The following GRID2 variants were observed in gnomAD, a reference collection of about 807,000 sequenced individuals.
GRID2 encodes glutamate receptor ionotropic, delta-2.
Under a neutral mutation model 114.8 loss-of-function variants are expected in GRID2, and 33 were observed. That is an observed-to-expected ratio of 0.29 (90% CI 0.22 to 0.38). The LOEUF is 0.38. GRID2 is among the 10% of genes least tolerant of loss of function. The pLI, the probability that GRID2 is intolerant of heterozygous loss-of-function variation, is 1.00. For missense variants in GRID2, 1,184 were observed against 1,257.7 expected (o/e 0.94, Z 0.89); for synonymous variants, 505 against 449.9 (o/e 1.12, Z -1.55).
intron 9 of GRID2, among the ~76,000 whole-genome samples, chr4:93,401,648 T>C (rs1024010267): frequency 2.0e-5 from 3 of 152,072 alleles, no homozygotes; most frequent in African/African-American, 4.8e-5. Flanking sequence ...AGGACAGTAA[T>C]AGCAATGAGA....
At chr4:93,110,010 A>G (rs1732614807) in intron 3 of GRID2, among the ~76,000 whole-genome samples, 1 of 152,176 alleles carries the variant, frequency 6.6e-6, no homozygotes, top group African/African-American at 2.4e-5. Context: ...TGGAATAAGT[A>G]TGTAAATATT....
chr4:93,207,976 A>G (rs1159047656), intron 5 of GRID2, among the ~76,000 whole-genome samples: 9 of 151,960 alleles, frequency 5.9e-5, no homozygotes, highest in Non-Finnish European at 1.5e-5. Flanking sequence ...GATTTTTGCA[A>G]AGATAATACA....
chr4:92,995,609 A>T (rs1222981313), intron 2 of GRID2, among the ~76,000 whole-genome samples: 1 of 152,160 alleles, frequency 6.6e-6, no homozygotes, highest in Non-Finnish European at 1.5e-5. Context: ...TTTATATTGT[A>T]ATAATAACAT....
At chr4:92,691,018 T>C (rs896161344) in intron 2 of GRID2, among the ~76,000 whole-genome samples, 15 of 152,104 alleles carry the variant, frequency 9.9e-5, no homozygotes, top group South Asian at 2.1e-4. Flanking sequence ...TTCCAAATCA[T>C]TGGACTCTAA....
chr4:93,179,926 C>G (rs1390258067), intron 4 of GRID2, among the ~76,000 whole-genome samples: 1 of 152,108 alleles, frequency 6.6e-6, no homozygotes, highest in African/African-American at 2.4e-5. Context: ...ACCCTCTGCT[C>G]TAGTGTATTT....
chr4:93,114,122 A>G (rs1362395046), intron 4 of GRID2, among the ~76,000 whole-genome samples: 3 of 152,128 alleles, frequency 2.0e-5, no homozygotes, highest in Non-Finnish European at 4.4e-5. Context: ...CCAGTGATGA[A>G]GAGGAGATTG....
chr4:92,485,726 A>T (rs1722854757), intron 1 of GRID2, among the ~76,000 whole-genome samples: 1 of 151,856 alleles, frequency 6.6e-6, no homozygotes, highest in Admixed American at 6.6e-5. Flanking sequence ...AGAGAAAAAC[A>T]ATTTGCAAAA....
intron 1 of GRID2, among the ~76,000 whole-genome samples, chr4:92,522,375 A>G (rs1432879506): frequency 2.0e-5 from 3 of 151,974 alleles, no homozygotes; most frequent in Non-Finnish European, 4.4e-5. Context: ...GCAGGGCGTT[A>G]TAAGCCATTG....
At chr4:93,049,510 TC>T (rs200700807) in intron 2 of GRID2, among the ~76,000 whole-genome samples, 2,322 of 149,608 alleles carry the variant, frequency 0.016, 28 homozygotes, top group Non-Finnish European at 0.024. Context: ...TCTGAAATTA[TC>T]CCCCCCCCAA....
intron 2 of GRID2, among the ~76,000 whole-genome samples, chr4:92,642,139 G>C (rs751668190): frequency 6.6e-6 from 1 of 151,550 alleles, no homozygotes; most frequent in Admixed American, 6.6e-5. Flanking sequence ...ATAAGGATCT[G>C]TTTTCCTTTG....
intron 8 of GRID2, among the ~76,000 whole-genome samples, chr4:93,390,825 A>G (rs1408359746): frequency 6.6e-6 from 1 of 152,028 alleles, no homozygotes; most frequent in East Asian, 1.9e-4. Flanking sequence ...ATGTCTATAT[A>G]TAGATATATG....
intron 2 of GRID2, among the ~76,000 whole-genome samples, chr4:92,949,607 C>T (rs1257361743): frequency 6.6e-6 from 1 of 150,814 alleles, no homozygotes; most frequent in Non-Finnish European, 1.5e-5. Context: ...ATTGCTTTAG[C>T]AATGATCTAG....
chr4:92,644,838 C>A (rs1015700187), intron 2 of GRID2, among the ~76,000 whole-genome samples: 2 of 151,360 alleles, frequency 1.3e-5, no homozygotes, highest in African/African-American at 4.8e-5. Context: ...AGTCAAAATA[C>A]TACATCAAAT....
chr4:92,525,438 G>A (rs1724995271), intron 1 of GRID2, among the ~76,000 whole-genome samples: 1 of 152,062 alleles, frequency 6.6e-6, no homozygotes, highest in Admixed American at 6.6e-5. Context: ...TGACCTTGCA[G>A]TAGCAAGACC....
At chr4:92,477,038 C>CGTGT (rs1722344746) in intron 1 of GRID2, among the ~76,000 whole-genome samples, 3 of 104,812 alleles carry the variant, frequency 2.9e-5, no homozygotes, top group Admixed American at 1.1e-4. Context: ...GATTTAACTT[C>CGTGT]ATGTGTGTGT....
chr4:92,944,166 C>A (rs1751413054), intron 2 of GRID2, among the ~76,000 whole-genome samples: 1 of 152,192 alleles, frequency 6.6e-6, no homozygotes, highest in Non-Finnish European at 1.5e-5. Flanking sequence ...TATGGCTATG[C>A]CCTGCCCCCA....
At chr4:92,553,988 C>A (rs1012276068) in intron 1 of GRID2, among the ~76,000 whole-genome samples, 3 of 152,050 alleles carry the variant, frequency 2.0e-5, no homozygotes, top group Non-Finnish European at 2.9e-5. Flanking sequence ...ATCATAGTAT[C>A]AGGATATCTT....
chr4:93,591,848 G>T (rs970915912), intron 13 of GRID2, among the ~76,000 whole-genome samples: 1 of 152,152 alleles, frequency 6.6e-6, no homozygotes, highest in Non-Finnish European at 1.5e-5. Flanking sequence ...TTGCGTAGAG[G>T]TGTTTATAGT....
chr4:92,828,829 T>C (rs1483898472), intron 2 of GRID2, among the ~76,000 whole-genome samples: 6 of 152,176 alleles, frequency 3.9e-5, no homozygotes, highest in Non-Finnish European at 5.9e-5. Flanking sequence ...CAAGTGTCTG[T>C]ACATATTCTT....
Sources: allele counts gnomAD v4.1 joint callset (sites outside exome capture counted in the v4.1 genomes callset), GRCh38; gene constraint gnomAD v4.1.1; transcripts MANE v1.5; gene names NCBI Gene and HGNC (gene_info 2026-07-23, HGNC 2026-07-21).